FAM135B: variants seen among roughly 807,000 people sequenced by gnomAD.
The protein encoded by FAM135B is protein FAM135B.
FAM135B carries 43 observed loss-of-function variants against 127.7 expected under a neutral mutation model. That is an observed-to-expected ratio of 0.34 (90% CI 0.26 to 0.43). FAM135B has a LOEUF of 0.43. FAM135B is among the 20% of genes least tolerant of loss of function. The pLI, the probability that FAM135B is intolerant of heterozygous loss-of-function variation, is 1.00. For missense variants in FAM135B, 1,558 were observed against 1,725.6 expected (o/e 0.90, Z 1.72); for synonymous variants, 670 against 665.1 (o/e 1.01, Z -0.11).
chr8:138,159,138 G>A (rs1229427150), intron 12 of FAM135B, among the ~76,000 whole-genome samples: 12 of 148,664 alleles, frequency 8.1e-5, no homozygotes, highest in African/African-American at 3.0e-4. Flanking sequence ...CGGGCGCGGT[G>A]GCGGGTGCCT....
At chr8:138,402,273 G>A (rs1833197794) in intron 1 of FAM135B, among the ~76,000 whole-genome samples, 1 of 151,988 alleles carries the variant, frequency 6.6e-6, no homozygotes, top group Non-Finnish European at 1.5e-5. Context: ...ATTGTATAAA[G>A]GCCTATGAAG....
intron 1 of FAM135B, among the ~76,000 whole-genome samples, chr8:138,422,841 A>G (rs1275363826): frequency 6.6e-6 from 1 of 152,246 alleles, no homozygotes; most frequent in Non-Finnish European, 1.5e-5. Context: ...TTTTCATAAT[A>G]GCAAAAAGAC....
At chr8:138,422,322 G>T (rs966962922) in intron 1 of FAM135B, among the ~76,000 whole-genome samples, 1 of 152,078 alleles carries the variant, frequency 6.6e-6, no homozygotes, top group Admixed American at 6.6e-5. Context: ...ATTATTAATA[G>T]ATTAAACAGA....
chr8:138,252,991 G>C (rs1331947401), intron 5 of FAM135B, among the ~76,000 whole-genome samples: 3 of 152,100 alleles, frequency 2.0e-5, no homozygotes, highest in African/African-American at 7.2e-5. Context: ...AGTAGAGATG[G>C]GGTTTCACCA....
chr8:138,315,068 T>C (rs1826977868), intron 2 of FAM135B, among the ~76,000 whole-genome samples: 1 of 152,060 alleles, frequency 6.6e-6, no homozygotes, highest in African/African-American at 2.4e-5. Context: ...ATATGTCTGA[T>C]AAGGGATTAG....
chr8:138,171,580 T>C (rs565027410), intron 11 of FAM135B, among the ~76,000 whole-genome samples: 1 of 152,338 alleles, frequency 6.6e-6, no homozygotes, highest in Non-Finnish European at 1.5e-5. Context: ...GACTAAAACA[T>C]ACTTGTTAAA....
At chr8:138,231,052 T>C (rs1291269672) in intron 7 of FAM135B, among the ~76,000 whole-genome samples, 1 of 152,116 alleles carries the variant, frequency 6.6e-6, no homozygotes, top group Admixed American at 6.5e-5. Flanking sequence ...TATTTTGAGA[T>C]GGAGTCTTGC....
At chr8:138,455,000 C>G (rs77926576) in intron 1 of FAM135B, among the ~76,000 whole-genome samples, 4,408 of 152,258 alleles carry the variant, frequency 0.029, 173 homozygotes, top group African/African-American at 0.085. Context: ...TGAGCACTGA[C>G]TTATAAATTA....
At chr8:138,347,914 T>G (rs931290712) in intron 2 of FAM135B, among the ~76,000 whole-genome samples, 2 of 152,062 alleles carry the variant, frequency 1.3e-5, no homozygotes, top group African/African-American at 4.8e-5. Flanking sequence ...TTCATGAGGT[T>G]AAGAAATAAA....
chr8:138,246,847 C>A (rs1049601115), intron 6 of FAM135B, among the ~76,000 whole-genome samples: 12 of 152,226 alleles, frequency 7.9e-5, no homozygotes, highest in Admixed American at 2.6e-4. Flanking sequence ...CTGTACCCTG[C>A]AAAGTCAAGG....
At chr8:138,354,684 G>C (rs16908908) in intron 2 of FAM135B, among the ~76,000 whole-genome samples, 3,574 of 152,184 alleles carry the variant, frequency 0.023, 64 homozygotes, top group East Asian at 0.11. Context: ...ACAAGAGCAA[G>C]AGCTCAAGGT....
intron 1 of FAM135B, among the ~76,000 whole-genome samples, chr8:138,457,143 G>C (rs1836830685): frequency 6.6e-6 from 1 of 152,028 alleles, no homozygotes; most frequent in African/African-American, 2.4e-5. Flanking sequence ...GCTAGACCTA[G>C]GAAGAGAAGC....
chr8:138,148,561 T>C lies in FAM135B; in HGVS notation c.3407A>G (p.Glu1136Gly). ...FPPEEEEENL[E>G]DGIHLVVCVH... ...ACAGACAACCAGGTGAATTCCATCT[T>C]CCAAATTTTCTTCCTCTTCCTCTGG... Residue 1136 changes from glutamate (E) to glycine (G), a missense_variant, in exon 14 of 20, where the codon GAA (glutamate) becomes GGA (glycine). This residue lies in a region of FAM135B where 923 missense variants were observed against 865.3 expected (regional missense o/e 1.07). Transcript: ENST00000395297. 1 of 1,614,092 alleles carries C rather than the reference T, an allele frequency of 6.2e-7. No individual in the cohort carries two copies. Among genetic ancestry groups the C allele is most frequent in the East Asian group, 2.2e-5 (1 of 44,870 alleles).
At chr8:138,349,569 T>C (rs752880115) in intron 2 of FAM135B, among the ~76,000 whole-genome samples, 2 of 152,234 alleles carry the variant, frequency 1.3e-5, no homozygotes, top group Admixed American at 6.5e-5. Context: ...TCTTTCTTTC[T>C]TAAATTCCCC....
chr8:138,310,288 C>G (rs1417258242), intron 3 of FAM135B, among the ~76,000 whole-genome samples: 1 of 152,156 alleles, frequency 6.6e-6, no homozygotes, highest in Non-Finnish European at 1.5e-5. Context: ...ATGGTAAGTT[C>G]TCTTTTTCTG....
chr8:138,282,514 G>A (rs1325608686), intron 3 of FAM135B, among the ~76,000 whole-genome samples: 1 of 152,126 alleles, frequency 6.6e-6, no homozygotes, highest in Admixed American at 6.5e-5. Context: ...TAAAAAATGA[G>A]CCAAATATCT....
Position 138,195,209 on chromosome 8 carries a change from G to A in FAM135B, c.873+49C>T, listed in dbSNP as rs757651667. 4 of 1,585,880 alleles carry A rather than the reference G, an allele frequency of 2.5e-6. No homozygotes were observed. In the African/African-American group the frequency reaches 5.4e-5, roughly 22 times the overall value. On this transcript the variant is annotated intron_variant, in intron 9 of 19. Coordinates refer to ENST00000395297, the MANE Select transcript of FAM135B (RefSeq NM_015912.4). ...GCAAGCAAGCAACTGCATTTGCCTT[G>A]CAAAACTACTGCCATTCATTCAGAC...
intron 2 of FAM135B, among the ~76,000 whole-genome samples, chr8:138,345,062 T>C (rs371731643): frequency 6.6e-6 from 1 of 152,188 alleles, no homozygotes; most frequent in African/African-American, 2.4e-5. Context: ...GTGTCAGCAA[T>C]GCAGTTGACA....
intron 1 of FAM135B, among the ~76,000 whole-genome samples, chr8:138,400,549 T>A (rs1486814242): frequency 6.6e-6 from 1 of 152,004 alleles, no homozygotes; most frequent in Admixed American, 6.6e-5. Context: ...AAGAGATGAG[T>A]CAGTGAAAAG....
Sources: allele counts gnomAD v4.1 joint callset (sites outside exome capture counted in the v4.1 genomes callset), GRCh38; gene constraint gnomAD v4.1.1; regional missense constraint gnomAD v4.1.1; transcripts MANE v1.5; gene names NCBI Gene and HGNC (gene_info 2026-07-23, HGNC 2026-07-21).